Variants in CAMK2D observed in about 807,000 individuals in gnomAD.
The protein encoded by CAMK2D is calcium/calmodulin dependent protein kinase II delta, also known as calcium/calmodulin-dependent protein kinase type II subunit delta.
A neutral mutation model predicts 84.0 loss-of-function variants in CAMK2D; 37 were observed. That is an observed-to-expected ratio of 0.44 (90% CI 0.34 to 0.58). The LOEUF (loss-of-function observed/expected upper bound fraction) is 0.58, where lower values mean the gene tolerates loss of function less well. CAMK2D is among the 20% of genes least tolerant of loss of function. The probability of loss-of-function intolerance (pLI) is 0.02; values close to 1 mark genes in which losing one functional copy is unlikely to be tolerated. For missense variants in CAMK2D, 448 were observed against 652.5 expected, an observed-to-expected ratio of 0.69 and a Z score of 3.41; for synonymous variants, 202 against 212.5, an observed-to-expected ratio of 0.95 and a Z score of 0.43.
At chr4:113,484,390 G>T (rs2154131840) in intron 16 of CAMK2D, among the ~76,000 whole-genome samples, 1 of 152,236 alleles carries the variant, frequency 6.6e-6, no homozygotes, top group Middle Eastern at 3.4e-3. Context: ...TCTCTGAAAG[G>T]AGGCCATTAG....
chr4:113,733,176 T>A (rs191083849), intron 2 of CAMK2D, among the ~76,000 whole-genome samples: 5 of 152,298 alleles, frequency 3.3e-5, no homozygotes, highest in African/African-American at 1.2e-4. Context: ...AATGGTGATA[T>A]TCGGCAAACC....
chr4:113,621,816 C>T (rs972830519), intron 3 of CAMK2D, among the ~76,000 whole-genome samples: 10 of 152,190 alleles, frequency 6.6e-5, no homozygotes, highest in African/African-American at 2.4e-4. Context: ...GCAGCTAAGG[C>T]ATATCCCATA....
chr4:113,587,873 GTATCATCA>G (rs1335577772), intron 4 of CAMK2D, among the ~76,000 whole-genome samples: 2 of 152,044 alleles, frequency 1.3e-5, no homozygotes, highest in African/African-American at 4.8e-5. Context: ...GAAAAAGTCT[GTATCATCA>G]ATAATACTAG....
chr4:113,706,905 T>C (rs905560556), intron 2 of CAMK2D, among the ~76,000 whole-genome samples: 1 of 152,140 alleles, frequency 6.6e-6, no homozygotes, highest in Non-Finnish European at 1.5e-5. Flanking sequence ...TTTGAATACA[T>C]TAAAATCTTT....
At chr4:113,516,522 T>C (rs1285766345) in intron 9 of CAMK2D, among the ~76,000 whole-genome samples, 1 of 152,172 alleles carries the variant, frequency 6.6e-6, no homozygotes, top group Non-Finnish European at 1.5e-5. Context: ...GCTATTGCCA[T>C]GTAAATAATA....
At chr4:113,548,650 T>A in intron 5 of CAMK2D, 1 of 1,423,604 alleles carries the variant, frequency 7.0e-7, no homozygotes, top group Non-Finnish European at 9.9e-7. Context: ...GGACTCCATA[T>A]ACTGACCTTC....
At chr4:113,455,106 C>T (rs762272562) in intron 20 of CAMK2D, among the ~76,000 whole-genome samples, 1 of 152,206 alleles carries the variant, frequency 6.6e-6, no homozygotes, top group Non-Finnish European at 1.5e-5. Context: ...CAGCACCATA[C>T]ATATCTGAAT....
At chr4:113,494,098 G>A (rs564992424) in intron 16 of CAMK2D, among the ~76,000 whole-genome samples, 26 of 151,576 alleles carry the variant, frequency 1.7e-4, no homozygotes, top group African/African-American at 4.6e-4. Context: ...ATGTCCTCCC[G>A]TAGCTCAGAG....
chr4:113,659,509 T>C (rs2099218777), intron 3 of CAMK2D, among the ~76,000 whole-genome samples: 1 of 152,202 alleles, frequency 6.6e-6, no homozygotes, highest in Non-Finnish European at 1.5e-5. Flanking sequence ...TAATCCAATA[T>C]GACTGGTGTC....
At chr4:113,485,118 T>G (rs2097753871) in intron 16 of CAMK2D, among the ~76,000 whole-genome samples, 1 of 152,192 alleles carries the variant, frequency 6.6e-6, no homozygotes, top group African/African-American at 2.4e-5. Context: ...AGATTGTTCT[T>G]TTGAAAGACT....
At chr4:113,544,821 T>C (rs2098555322) in intron 6 of CAMK2D, among the ~76,000 whole-genome samples, 1 of 152,172 alleles carries the variant, frequency 6.6e-6, no homozygotes, top group South Asian at 2.1e-4. Flanking sequence ...GACAAAAGGC[T>C]GTGGTCCATG....
chr4:113,493,339 T>A (rs1169247157), intron 16 of CAMK2D, among the ~76,000 whole-genome samples: 11 of 151,820 alleles, frequency 7.2e-5, no homozygotes, highest in African/African-American at 9.7e-5. Flanking sequence ...GCAGGCCTGG[T>A]GGTGACAAAA....
chr4:113,496,126 G>C (rs2097925026), intron 16 of CAMK2D, among the ~76,000 whole-genome samples: 1 of 152,170 alleles, frequency 6.6e-6, no homozygotes, highest in South Asian at 2.1e-4. Flanking sequence ...ATACAGTGTG[G>C]AAAGAACTAC....
intron 1 of CAMK2D, among the ~76,000 whole-genome samples, chr4:113,760,085 T>C (rs998493317): frequency 1.3e-5 from 2 of 152,184 alleles, no homozygotes; most frequent in Non-Finnish European, 2.9e-5. Context: ...CGCACTCCTT[T>C]CATAAAAGTA....
intron 6 of CAMK2D, 101 bp downstream of exon 6, chr4:113,547,543 A>G: frequency 1.6e-6 from 1 of 621,946 alleles, no homozygotes; most frequent in Admixed American, 3.0e-5. Flanking sequence ...ATAAGTCCAC[A>G]CAACTTTATT....
At chr4:113,564,044 C>T (rs1373537600) in intron 4 of CAMK2D, among the ~76,000 whole-genome samples, 2 of 152,156 alleles carry the variant, frequency 1.3e-5, no homozygotes, top group Non-Finnish European at 2.9e-5. Flanking sequence ...TTTAAACTCT[C>T]ATTTGTGACT....
chr4:113,474,256 T>G lies in CAMK2D; in HGVS notation c.1136-8652A>C, dbSNP rs13116284. On this transcript the variant is annotated intron_variant, in intron 16 of 20. Coordinates refer to ENST00000511664, the MANE Select transcript of CAMK2D (RefSeq NM_001321571.2). ...ATGGAAGAAAAAGATTTTAAGAAAC[T>G]GGTCAAAGACTCACATCCTCTGCTC... Among the ~76,000 whole-genome samples the G allele has an allele frequency of 3.6e-3, 550 of 152,300 alleles. 3 individuals are homozygous for G. Among genetic ancestry groups the G allele is most frequent in the Non-Finnish European group, 5.4e-3 (368 of 68,006 alleles).
Position 113,517,554 on chromosome 4 carries a change from AT to A in CAMK2D, c.696+8del. 1 of 1,362,642 alleles carries A rather than the reference AT, an allele frequency of 7.3e-7. No individual in the cohort carries two copies. The highest frequency in any genetic ancestry group is 1.7e-5 in the Admixed American group (1 of 57,788). The allele number at this position is 1,362,642 out of a possible 1,614,324, so 84.4% of individuals were successfully genotyped here. A position where few individuals can be genotyped will look rare whatever the true frequency, so the allele number is the denominator to read the frequency against. ...TTCATCTAAAGTGATATAAATAGTT[AT>A]TACATACATCATAAGCTCCAGCCTT... is the stretch of plus-strand genomic sequence containing the variant. On this transcript the variant is annotated splice_region_variant and intron_variant, in intron 9 of 20. Transcript: ENST00000511664.
intron 4 of CAMK2D, among the ~76,000 whole-genome samples, chr4:113,592,623 TAA>T (rs1174450166): frequency 6.6e-6 from 1 of 152,210 alleles, no homozygotes; most frequent in African/African-American, 2.4e-5. Flanking sequence ...TGATTTTTTT[TAA>T]AGTTTCAGAT....
Sources: gnomAD v4.1 joint callset for allele counts (sites outside exome capture counted in the v4.1 genomes callset) on GRCh38, gnomAD v4.1.1 for gene constraint, MANE v1.5 for transcripts, NCBI Gene and HGNC (gene_info 2026-07-23, HGNC 2026-07-21) for gene names.